Variants in ZNF185 observed in about 807,000 individuals in gnomAD.
ZNF185 encodes zinc finger protein 185.
ZNF185 carries 56 observed loss-of-function variants against 58.6 expected under a neutral mutation model. The observed-to-expected ratio is 0.95, with a 90% CI of 0.77 to 1.19. The LOEUF (loss-of-function observed/expected upper bound fraction) is 1.19. Ranked by LOEUF, ZNF185 falls within the 50% of genes most tolerant of loss-of-function variation. The probability of loss-of-function intolerance (pLI) is 0.00; values close to 1 mark genes in which losing one functional copy is unlikely to be tolerated. For synonymous variants in ZNF185, 230 were observed against 215.9 expected (o/e 1.07, Z -0.57); for missense variants, 627 against 573.5 (o/e 1.09, Z -0.95).
At chrX:152,903,650 C>A in the ZNF185 span, among the ~76,000 whole-genome samples, 3 of 111,259 alleles carry the variant, frequency 2.7e-5, no homozygotes, top group Admixed American at 2.9e-4. Context: ...ACAAGAGGGT[C>A]CCTGCCCAGC....
chrX:152,959,699 C>A (rs188522439), exon 17 of ZNF185: 3 of 1,207,989 alleles, frequency 2.5e-6, no homozygotes, highest in African/African-American at 1.8e-5. Context: ...TCTTCCTCAG[C>A]GTGTTGACTG....
chrX:152,967,078 C>T (rs1177060379), intron 19 of ZNF185, 89 bp from the exon 22 acceptor site: 2 of 922,786 alleles, frequency 2.2e-6, no homozygotes, highest in African/African-American at 1.9e-5. Context: ...TATGTCTCAG[C>T]TTGTGGCCAA....
chrX:152,934,846 C>A (rs2046081761), intron 14 of ZNF185, among the ~76,000 whole-genome samples: 1 of 111,909 alleles, frequency 8.9e-6, no homozygotes, highest in Admixed American at 9.5e-5. Context: ...CTTTTTCAGA[C>A]AGGACCTTGC....
intron 15 of ZNF185, among the ~76,000 whole-genome samples, chrX:152,940,394 G>T (rs1321607486): frequency 4.7e-5 from 4 of 85,889 alleles, no homozygotes; most frequent in African/African-American, 1.7e-4. Flanking sequence ...GTCCAGAAAG[G>T]CCGGACACCT....
intron 16 of ZNF185, among the ~76,000 whole-genome samples, chrX:152,952,371 T>C (rs1463056061): frequency 1.8e-5 from 2 of 112,629 alleles, no homozygotes; most frequent in Non-Finnish European, 3.8e-5. Context: ...GAGAGCTTTA[T>C]AATAATTTAT....
the ZNF185 span, among the ~76,000 whole-genome samples, chrX:152,904,917 C>A: frequency 8.9e-6 from 1 of 112,371 alleles, no homozygotes. Context: ...GAGAATGGGG[C>A]TTCCTTAAGC....
At position 152,967,116 on chromosome X, in the gene ZNF185, G is replaced by T. The variant is rs2050192589; in HGVS notation, c.1800-51G>T. On this transcript the variant is annotated intron_variant, in intron 19 of 22. Coordinates refer to ENST00000449285, the Ensembl canonical transcript of ZNF185. ...GTTAATTAGAAAATTAACTATGATA[G>T]TGATTTGGCTCTCATCTCTGCCCTC... 4 of 1,097,538 alleles carry T rather than the reference G, an allele frequency of 3.6e-6. No homozygotes were observed. The African/African-American group carries it at 5.5e-5, about 15-fold the overall frequency. The allele number at this position is 1,097,538 out of a possible 1,213,427, so 90.4% of individuals were successfully genotyped here. A position where few individuals can be genotyped will look rare whatever the true frequency, so the allele number is the denominator to read the frequency against.
intron 8 of ZNF185, 142 bp from the exon 10 acceptor site, chrX:152,920,565 A>C (rs782348745): frequency 1.0e-6 from 1 of 964,593 alleles, no homozygotes; most frequent in South Asian, 2.2e-5. Context: ...CTTTCTAGAA[A>C]ATGGAGAGGT....
chrX:152,970,568 G>A, intron 22 of ZNF185, 27 bp downstream of exon 24: 1 of 1,170,781 alleles, frequency 8.5e-7, no homozygotes, highest in Non-Finnish European at 1.2e-6. Context: ...CAAAGGACAA[G>A]TGGCCAAGAG....
At chrX:152,917,238 C>CT (rs782783707) in intron 4 of ZNF185, 47 bp from the exon 6 acceptor site, 1 of 1,209,372 alleles carries the variant, frequency 8.3e-7, no homozygotes, top group African/African-American at 1.7e-5. Flanking sequence ...TCTTACCCCT[C>CT]CAGTCCCTCC....
At chrX:152,934,981 G>A (rs983325513) in intron 14 of ZNF185, among the ~76,000 whole-genome samples, 3 of 110,856 alleles carry the variant, frequency 2.7e-5, no homozygotes, top group African/African-American at 9.8e-5. Context: ...GGACCACCAC[G>A]CCTGGCTAAC....
At chrX:152,968,263 A>G (rs967492073) in intron 20 of ZNF185, among the ~76,000 whole-genome samples, 6 of 112,274 alleles carry the variant, frequency 5.3e-5, no homozygotes, top group Non-Finnish European at 1.1e-4. Flanking sequence ...CCTGAGAGTT[A>G]ACCACTTACA....
chrX:152,936,508 C>T (rs1556881934), intron 14 of ZNF185: 1 of 1,165,618 alleles, frequency 8.6e-7, no homozygotes, highest in Non-Finnish European at 1.1e-6. Flanking sequence ...GACCAGCAGC[C>T]ATCAGGTAAG....
rs782288327 is a variant in ZNF185 at position 152,932,897 on chromosome X, C to T, written c.1047C>T (p.Gly349=). 3.3e-6 allele frequency: 4 copies of T among 1,202,905 alleles called. No individual in the cohort carries two copies. In the African/African-American group the frequency reaches 7.0e-5, roughly 21 times the overall value. Reference sequence around the variant, plus strand: ...GGTCAAGTGCACAGTTGAGTGATGGCAATGTGGGATCCGGAGCCACGGGCT... The same window carrying T: ...GGTCAAGTGCACAGTTGAGTGATGGTAATGTGGGATCCGGAGCCACGGGCT... Residue 349 remains glycine (G), a synonymous_variant, in exon 14 of 23, where the codon GGC becomes GGT. Transcript: ENST00000449285.
chrX:152,954,282 C>A (rs896596739), intron 16 of ZNF185, among the ~76,000 whole-genome samples: 1 of 110,842 alleles, frequency 9.0e-6, no homozygotes, highest in Non-Finnish European at 1.9e-5. Context: ...TCAGCCGGTT[C>A]TCAGGAGAAG....
rs1405923979 is a variant in ZNF185, at chrX:152,937,965, G to A, written c.1122-109G>A. On this transcript the variant is annotated intron_variant, in intron 14 of 22. Transcript: ENST00000449285. ...AGGACTGAGACACCAGCCTTTACTG[G>A]AAGACACAGTTCCTCCCTTTCTGGT... The A allele has an allele frequency of 7.0e-6, 5 of 709,728 alleles. No individual in the cohort carries two copies. In the African/African-American group the frequency reaches 1.1e-4, roughly 15 times the overall value. The allele number at this position is 709,728 out of a possible 1,213,427, so 58.5% of individuals were successfully genotyped here.
intron 15 of ZNF185, among the ~76,000 whole-genome samples, chrX:152,939,736 T>C (rs1363879833): frequency 1.8e-5 from 2 of 108,133 alleles, no homozygotes; most frequent in Non-Finnish European, 3.8e-5. Flanking sequence ...AGGCTCACGC[T>C]ACTTTCCTCT....
At chrX:152,903,750 G>A in the ZNF185 span, among the ~76,000 whole-genome samples, 1 of 111,648 alleles carries the variant, frequency 9.0e-6, no homozygotes, top group African/African-American at 3.3e-5. Context: ...GCTTGTATCT[G>A]GCTCTCTGAG....
At chrX:152,908,942 G>T in the ZNF185 span, among the ~76,000 whole-genome samples, 20 of 113,460 alleles carry the variant, frequency 1.8e-4, no homozygotes, top group African/African-American at 6.1e-4. Context: ...CAGGGGTGGT[G>T]CTCCAGCAAG....
Sources: gnomAD v4.1 joint callset for allele counts (sites outside exome capture counted in the v4.1 genomes callset) on GRCh38, gnomAD v4.1.1 for gene constraint, MANE v1.5 for transcripts, NCBI Gene and HGNC (gene_info 2026-07-23, HGNC 2026-07-21) for gene names.